Variants in DISP3 observed in about 807,000 individuals in gnomAD.
DISP3 encodes protein dispatched homolog 3.
Under a neutral mutation model 135.3 loss-of-function variants are expected in DISP3, and 101 were observed. The ratio of observed to expected loss-of-function variants is 0.75; its 90% CI spans 0.64 to 0.88. The LOEUF (loss-of-function observed/expected upper bound fraction) is 0.88. Ranked by LOEUF, DISP3 falls within the 40% of genes least tolerant of loss-of-function variation. The pLI, the probability that DISP3 is intolerant of heterozygous loss-of-function variation, is 0.00. For missense variants in DISP3, 1,713 were observed against 1,878.6 expected (o/e 0.91, Z 1.63); for synonymous variants, 856 against 817.0 (o/e 1.05, Z -0.81).
intron 19 of DISP3, 65 bp downstream of exon 19, chr1:11,535,189 G>A (rs1642675761): frequency 6.8e-7 from 1 of 1,460,684 alleles, no homozygotes; most frequent in Admixed American, 2.0e-5. Context: ...TCTCCCCGGT[G>A]GCCCCAGGTA....
rs377572784 is a variant in DISP3, at chr1:11,530,994, G to A, written c.3190G>A (p.Glu1064Lys). 6.8e-6 allele frequency: 11 copies of A among 1,613,868 alleles called. No homozygotes were observed. Among genetic ancestry groups the A allele is most frequent in the African/African-American group, 6.7e-5 (5 of 74,910 alleles). ...CTGCAAGGCCATCGCAGCCAACTCCGAGCTGGTGAAGCCGGGTGGGGCCCA... is the reference window on the plus strand; with the variant it reads ...CTGCAAGGCCATCGCAGCCAACTCCAAGCTGGTGAAGCCGGGTGGGGCCCA... ...HLCKAIAANS[E>K]LVKPGGAQCL... Residue 1064 changes from glutamate (E) to lysine (K), a missense_variant, in exon 16 of 21, where the codon GAG (glutamate) becomes AAG (lysine). Physicochemically the swap from Glu to Lys is moderately conservative, Grantham distance 56. Transcript: ENST00000294484.
intron 10 of DISP3, among the ~76,000 whole-genome samples, chr1:11,523,227 C>G (rs541241133): frequency 1.3e-5 from 2 of 152,136 alleles, no homozygotes; most frequent in Non-Finnish European, 2.9e-5. Flanking sequence ...GTGTAGTTCT[C>G]TCATTTCTAA....
At chr1:11,507,213 G>A (rs955399479) in intron 3 of DISP3, among the ~76,000 whole-genome samples, 1 of 152,184 alleles carries the variant, frequency 6.6e-6, no homozygotes, top group African/African-American at 2.4e-5. Context: ...TAAACGGGCA[G>A]TGACCACACT....
chr1:11,523,845 G>A (rs1642326619), intron 10 of DISP3, 97 bp from the exon 11 acceptor site: 4 of 959,598 alleles, frequency 4.2e-6, no homozygotes, highest in South Asian at 3.4e-5. Flanking sequence ...CCCAGTTCCT[G>A]AGACTGTCTC....
At chr1:11,510,297 A>G (rs1641822971) in intron 3 of DISP3, among the ~76,000 whole-genome samples, 1 of 151,850 alleles carries the variant, frequency 6.6e-6, no homozygotes, top group Admixed American at 6.6e-5. Context: ...TTATGATTCT[A>G]TTTTATCTCC....
At position 11,532,894 on chromosome 1, in the gene DISP3, C is replaced by T. The variant is rs112226418; in HGVS notation, c.3375+1184C>T. ...TTTAATTTTTATTTTTTGGTAGAGA[C>T]GGGGTTTCACCATATTGGCCAGGCG... On this transcript the variant is annotated intron_variant, in intron 17 of 20. Coordinates refer to ENST00000294484, the MANE Select transcript of DISP3 (RefSeq NM_020780.2). Among the ~76,000 whole-genome samples, 923 of 152,088 alleles carry T rather than the reference C, an allele frequency of 6.1e-3. 7 individuals carry two copies. The highest frequency in any genetic ancestry group is 0.021 in the African/African-American group (883 of 41,450).
intron 15 of DISP3, 23 bp from the exon 16 acceptor site, chr1:11,530,884 C>T (rs373518930): frequency 7.4e-6 from 12 of 1,612,810 alleles, no homozygotes; most frequent in South Asian, 4.4e-5. Context: ...CGGCCCGGGC[C>T]GGCTTGTTTC....
At chr1:11,530,643 A>G (rs1408188634) in intron 15 of DISP3, among the ~76,000 whole-genome samples, 1 of 151,656 alleles carries the variant, frequency 6.6e-6, no homozygotes, top group Non-Finnish European at 1.5e-5. Context: ...CAAGAAGTCC[A>G]GGTGAGAAGG....
chr1:11,533,552 C>G (rs1035493674), intron 17 of DISP3: 2 of 530,736 alleles, frequency 3.8e-6, no homozygotes, highest in African/African-American at 1.9e-5. Flanking sequence ...CCACTGCGCC[C>G]AGCCGGTGAC....
chr1:11,514,565 A>G (rs749885173), intron 4 of DISP3, 39 bp downstream of exon 4: 5 of 1,601,414 alleles, frequency 3.1e-6, no homozygotes, highest in East Asian at 2.2e-5. Context: ...CTCCCCTCCC[A>G]GGGTGCTCCT....
At chr1:11,522,012 G>A (rs1256040295) in intron 10 of DISP3, among the ~76,000 whole-genome samples, 1 of 152,160 alleles carries the variant, frequency 6.6e-6, no homozygotes, top group Non-Finnish European at 1.5e-5. Flanking sequence ...TGATGGCAGC[G>A]ATGGTGGAGT....
chr1:11,535,628 C>A lies in DISP3; in HGVS notation c.3800C>A (p.Pro1267His), dbSNP rs1642689671. 6.2e-7 allele frequency: 1 copy of A among 1,612,452 alleles called. No individual in the cohort carries two copies. The highest frequency in any genetic ancestry group is 2.2e-5 in the East Asian group (1 of 44,876). Reference protein sequence around the residue: ...EGYLLAGENLPPHQAEDARTQ... With the variant: ...EGYLLAGENLHPHQAEDARTQ... ...TACCTGCTGGCTGGAGAGAACCTGC[C>A]CCCCCACCAGGCCGAGGTGCGCACC... The change falls in exon 20 of 21, where the codon CCC becomes CAC. Residue 1267 changes from proline (P) to histidine (H), a missense_variant. Transcript: ENST00000294484.
intron 1 of DISP3, among the ~76,000 whole-genome samples, chr1:11,486,987 A>G (rs1641054573): frequency 6.6e-6 from 1 of 152,196 alleles, no homozygotes; most frequent in South Asian, 2.1e-4. Flanking sequence ...CCAGATTATG[A>G]TGATTTAACA....
In DISP3 at chr1:11,520,812, C is replaced by T; in HGVS notation, c.2326C>T (p.Leu776=). The T allele has an allele frequency of 6.2e-7, 1 of 1,612,540 alleles. No individual in the cohort carries two copies. ...IQVLLDLKYN[L]SAEGISCITC... ...GGTGCTGCTGGACCTCAAGTACAACCTGAGCGCCGAGGGCATCTCCTGCAT... is the reference window on the plus strand; with the variant it reads ...GGTGCTGCTGGACCTCAAGTACAACTTGAGCGCCGAGGGCATCTCCTGCAT... Residue 776 remains leucine, a synonymous_variant, in exon 10 of 21, where the codon CTG becomes TTG. Coordinates refer to ENST00000294484, the MANE Select transcript of DISP3 (RefSeq NM_020780.2). This position sits in a 1 kb window ranked among gnomAD's most constrained non-coding sequence, Gnocchi z 4.8.
chr1:11,530,885 G>A (rs556063278), intron 15 of DISP3, 22 bp from the exon 16 acceptor site: 43 of 1,612,922 alleles, frequency 2.7e-5, no homozygotes, highest in Admixed American at 1.3e-4. Flanking sequence ...GGCCCGGGCC[G>A]GCTTGTTTCT....
chr1:11,521,199 A>G (rs573854787), intron 10 of DISP3, among the ~76,000 whole-genome samples: 1 of 151,952 alleles, frequency 6.6e-6, no homozygotes, highest in South Asian at 2.1e-4. Context: ...TGGAGGAAGT[A>G]ACGTCTAGGC....
rs185688168 is a variant in DISP3, at chr1:11,483,699, G to A, written c.-4+4327G>A. Among the ~76,000 whole-genome samples, 11 of 152,328 alleles carry A rather than the reference G, an allele frequency of 7.2e-5. No individual in the cohort carries two copies. The East Asian group carries it at 7.7e-4, about 11-fold the overall frequency. ...AGTGAAGGGCGGTACCCTCACCTGCGTTCATCAGTCAGTGGCCTGGGCTGG... is the reference window on the plus strand; with the variant it reads ...AGTGAAGGGCGGTACCCTCACCTGCATTCATCAGTCAGTGGCCTGGGCTGG... On this transcript the variant is annotated intron_variant, in intron 1 of 20. Transcript: ENST00000294484. The surrounding 1 kb of genome is among the most constrained non-coding windows in gnomAD (Gnocchi z 5.4).
At chr1:11,482,349 G>A (rs1462266091) in intron 1 of DISP3, among the ~76,000 whole-genome samples, 5 of 152,192 alleles carry the variant, frequency 3.3e-5, no homozygotes, top group African/African-American at 1.2e-4. Flanking sequence ...ACTGCCCATG[G>A]GCAGTTGGTT....
intron 1 of DISP3, among the ~76,000 whole-genome samples, chr1:11,496,069 G>A (rs902303680): frequency 6.6e-6 from 1 of 151,946 alleles, no homozygotes; most frequent in Non-Finnish European, 1.5e-5. Flanking sequence ...CTCCCAAACA[G>A]GTTACTGCTA....
Sources: gnomAD v4.1 joint callset for allele counts (sites outside exome capture counted in the v4.1 genomes callset) on GRCh38, gnomAD v4.1.1 for gene constraint, Gnocchi (gnomAD v3.1) non-coding constraint, MANE v1.5 for transcripts, NCBI Gene and HGNC (gene_info 2026-07-23, HGNC 2026-07-21) for gene names.